KIF3C: variants seen among roughly 807,000 people sequenced by gnomAD.
KIF3C encodes kinesin family member 3C.
Under a neutral mutation model 67.7 loss-of-function variants are expected in KIF3C, and 12 were observed. The ratio of observed to expected loss-of-function variants is 0.18; its 90% CI spans 0.11 to 0.29. The LOEUF is 0.29. KIF3C is among the 10% of genes least tolerant of loss of function. The pLI is 1.00. For synonymous variants in KIF3C, 393 were observed against 426.2 expected (o/e 0.92, Z 0.96); for missense variants, 789 against 1,059.6 (o/e 0.74, Z 3.55).
intron 1 of KIF3C, among the ~76,000 whole-genome samples, chr2:25,964,037 G>T (rs1244414846): frequency 6.6e-6 from 1 of 152,144 alleles, no homozygotes; most frequent in Non-Finnish European, 1.5e-5. Context: ...GCTAGGCACA[G>T]TGGCTCATAC....
Position 25,928,025 on chromosome 2 carries a change from A to G in KIF3C, c.*953T>C, listed in dbSNP as rs2090426149. The G allele has an allele frequency of 6.6e-6, 1 of 152,616 alleles. No individual in the cohort carries two copies. The allele number at this position is 152,616 out of a possible 1,614,324, so 9.5% of individuals were successfully genotyped here. ...TGAAGGGAAAAAGCAATAGATGTTA[A>G]TATCTTCGTTTAGCGAGGGGTAGAA... On this transcript the variant is annotated 3_prime_UTR_variant, in exon 8 of 8. Coordinates refer to ENST00000264712, the MANE Select transcript of KIF3C (RefSeq NM_002254.8).
intron 5 of KIF3C, among the ~76,000 whole-genome samples, chr2:25,936,634 C>T (rs1480218519): frequency 6.6e-6 from 1 of 151,934 alleles, no homozygotes; most frequent in Non-Finnish European, 1.5e-5. Context: ...TAACATTTTC[C>T]CTGGGGTATG....
chr2:25,934,317 G>T (rs148827410), intron 5 of KIF3C, among the ~76,000 whole-genome samples: 78 of 152,202 alleles, frequency 5.1e-4, no homozygotes, highest in African/African-American at 1.8e-3. Context: ...GGTGGCTCAT[G>T]CCTATAAACC....
rs189063542 is a variant in KIF3C, at chr2:25,949,289, C to T, written c.2006+2500G>A. Among the ~76,000 whole-genome samples, 262 of 152,112 alleles carry T rather than the reference C, an allele frequency of 1.7e-3. 2 individuals carry two copies. The highest frequency in any genetic ancestry group is 6.0e-3 in the African/African-American group (251 of 41,518). ...TCTTGTTTTCAAAATAAAAAGCTGA[C>T]GTGGCCAGGCGCAGTGGCTCACGCC... is the stretch of plus-strand genomic sequence containing the variant. On this transcript the variant is annotated intron_variant, in intron 5 of 7. Transcript: ENST00000264712.
At chr2:25,953,672 G>GT (rs70950142) in intron 4 of KIF3C, among the ~76,000 whole-genome samples, 2,089 of 99,578 alleles carry the variant, frequency 0.021, 41 homozygotes, top group African/African-American at 0.047. Flanking sequence ...TTTTGTTTTT[G>GT]TTTTTTTTTT....
intron 1 of KIF3C, among the ~76,000 whole-genome samples, chr2:25,976,189 T>C (rs1664410143): frequency 6.6e-6 from 1 of 152,128 alleles, no homozygotes; most frequent in Non-Finnish European, 1.5e-5. Context: ...ACAATACAAT[T>C]TCAACACAGT....
chr2:25,960,764 C>T (rs79502835), intron 1 of KIF3C, among the ~76,000 whole-genome samples: 6 of 152,152 alleles, frequency 3.9e-5, no homozygotes, highest in South Asian at 2.1e-4. Flanking sequence ...TGGCAAAACC[C>T]GTCTCTATAA....
At chr2:25,949,440 T>A (rs987789904) in intron 5 of KIF3C, among the ~76,000 whole-genome samples, 3 of 150,398 alleles carry the variant, frequency 2.0e-5, no homozygotes, top group Non-Finnish European at 4.4e-5. Flanking sequence ...GAAAAAAAAA[T>A]TAGCTGGGAG....
At chr2:25,941,778 G>T (rs1174210980) in intron 5 of KIF3C, among the ~76,000 whole-genome samples, 1 of 152,106 alleles carries the variant, frequency 6.6e-6, no homozygotes, top group Non-Finnish European at 1.5e-5. Flanking sequence ...TGAGGTCCCA[G>T]CTACCCAGGA....
Position 25,958,010 on chromosome 2 carries a change from T to C in KIF3C, c.1546-1566A>G, listed in dbSNP as rs1663851193. 6.6e-6 allele frequency among the ~76,000 whole-genome samples: 1 copy of C among 152,176 alleles called. No homozygotes were observed. Among genetic ancestry groups the C allele is most frequent in the South Asian group, 2.1e-4 (1 of 4,834 alleles). ...CTCCAGGTCAGCATTTGCAGGACCA[T>C]GAGAGGGAAGAATCCCTTACACTGC... On this transcript the variant is annotated intron_variant, in intron 1 of 7. Transcript: ENST00000264712. The surrounding 1 kb of genome is among the most constrained non-coding windows in gnomAD (Gnocchi z 4.5).
intron 5 of KIF3C, among the ~76,000 whole-genome samples, chr2:25,936,695 A>C (rs1172359722): frequency 6.6e-6 from 1 of 152,172 alleles, no homozygotes; most frequent in Admixed American, 6.6e-5. Flanking sequence ...TTTCAGCTTT[A>C]CTTGATATTG....
At chr2:25,934,835 G>A (rs1323392265) in intron 5 of KIF3C, among the ~76,000 whole-genome samples, 3 of 152,034 alleles carry the variant, frequency 2.0e-5, no homozygotes, top group African/African-American at 7.2e-5. Context: ...CGAGGTGGGA[G>A]GATCATCTGA....
At chr2:25,941,774 C>G (rs867248336) in intron 5 of KIF3C, among the ~76,000 whole-genome samples, 1 of 152,028 alleles carries the variant, frequency 6.6e-6, no homozygotes, top group East Asian at 1.9e-4. Context: ...AGCCTGAGGT[C>G]CCAGCTACCC....
rs1425344818 is a variant in KIF3C, at chr2:25,955,879, ATGGAGACCCCAGCCCCTAAGAG to A, written c.1648-238_1648-217del. On this transcript the variant is annotated intron_variant, in intron 2 of 7. Transcript: ENST00000264712. The surrounding 1 kb of genome is among the most constrained non-coding windows in gnomAD (Gnocchi z 5.0). Reference sequence around the variant, plus strand: ...CTTTGCCAGGCTCTGCCCCATGTGGATGGAGACCCCAGCCCCTAAGAGCTGGCCTACTCCAGAGGCGTTAGTC... The same window carrying A: ...CTTTGCCAGGCTCTGCCCCATGTGGACTGGCCTACTCCAGAGGCGTTAGTC... Among the ~76,000 whole-genome samples the A allele has an allele frequency of 8.9e-4, 136 of 152,196 alleles. No homozygotes were observed. The highest frequency in any genetic ancestry group is 3.1e-3 in the African/African-American group (130 of 41,536).
At chr2:25,965,578 C>T in intron 1 of KIF3C, among the ~76,000 whole-genome samples, 1 of 151,652 alleles carries the variant, frequency 6.6e-6, no homozygotes, top group Admixed American at 6.6e-5. Context: ...ATCCTCCCAC[C>T]TAAGCCTCCC....
At chr2:25,953,505 C>T (rs1300360723) in intron 4 of KIF3C, among the ~76,000 whole-genome samples, 2 of 150,096 alleles carry the variant, frequency 1.3e-5, no homozygotes, top group African/African-American at 4.9e-5. Context: ...GGACTACAGG[C>T]GCCCGCCACC....
Position 25,958,101 on chromosome 2 carries a change from T to C in KIF3C, c.1546-1657A>G, listed in dbSNP as rs574158353. ...CCTCTCATCCGTTGCATCTGGCCAG[T>C]GAGTCAAGGCCATCAAATCTGCTCC... On this transcript the variant is annotated intron_variant, in intron 1 of 7. Coordinates refer to ENST00000264712, the MANE Select transcript of KIF3C (RefSeq NM_002254.8). This position sits in a 1 kb window ranked among gnomAD's most constrained non-coding sequence, Gnocchi z 4.5. 6.6e-6 allele frequency among the ~76,000 whole-genome samples: 1 copy of C among 152,230 alleles called. No homozygotes were observed. Among genetic ancestry groups the C allele is most frequent in the South Asian group, 2.1e-4 (1 of 4,820 alleles).
intron 1 of KIF3C, among the ~76,000 whole-genome samples, chr2:25,962,994 T>TA (rs1182885046): frequency 8.9e-5 from 4 of 45,164 alleles, no homozygotes; most frequent in Admixed American, 9.6e-4. Flanking sequence ...ATATAATATA[T>TA]ATAATATATA....
Position 25,981,095 on chromosome 2 carries a change from C to G in KIF3C, c.823G>C (p.Gly275Arg). ...ATPSSGGGGG[G>R]GGSGGGAGGE... ...CCAGCACCACCACCACTGCCTCCAC[C>G]GCCACCACCGCCACCCGAGGATGGT... The change falls in exon 1 of 8, where the codon GGT becomes CGT. Residue 275 changes from glycine (G) to arginine (R), a missense_variant. Physicochemically the swap from Gly to Arg is moderately radical, Grantham distance 125. Around this residue, in one of 2 missense-constraint regions of KIF3C, gnomAD observed 648 missense variants for 807.8 expected, o/e 0.80. Coordinates refer to ENST00000264712, the MANE Select transcript of KIF3C (RefSeq NM_002254.8). This position sits in a 1 kb window ranked among gnomAD's most constrained non-coding sequence, Gnocchi z 8.2. The G allele has an allele frequency of 1.2e-6, 2 of 1,614,146 alleles. No individual in the cohort carries two copies. Among genetic ancestry groups the G allele is most frequent in the South Asian group, 1.1e-5 (1 of 91,072 alleles).
Sources: allele counts gnomAD v4.1 joint callset (sites outside exome capture counted in the v4.1 genomes callset), GRCh38; gene constraint gnomAD v4.1.1; regional missense constraint gnomAD v4.1.1; non-coding constraint Gnocchi (gnomAD v3.1); transcripts MANE v1.5; gene names NCBI Gene and HGNC (gene_info 2026-07-23, HGNC 2026-07-21).